NEGR1: variants seen among roughly 807,000 people sequenced by gnomAD.
NEGR1 encodes the protein neuronal growth regulator 1, also known as IgLON family member 4.
Under a neutral mutation model 40.9 loss-of-function variants are expected in NEGR1, and 10 were observed. The ratio of observed to expected loss-of-function variants is 0.24; its 90% CI spans 0.15 to 0.42. NEGR1 has a LOEUF of 0.42. Among genes scored for constraint, NEGR1 ranks in the 10% least tolerant of loss-of-function variants. The pLI, the probability that NEGR1 is intolerant of heterozygous loss-of-function variation, is 1.00. For synonymous variants in NEGR1, 185 were observed against 166.8 expected (o/e 1.11, Z -0.84); for missense variants, 352 against 438.9 (o/e 0.80, Z 1.77).
intron 3 of NEGR1, among the ~76,000 whole-genome samples, chr1:71,775,457 T>C (rs1656471347): frequency 6.6e-6 from 1 of 151,672 alleles, no homozygotes; most frequent in Non-Finnish European, 1.5e-5. Context: ...ATGATTCTCC[T>C]GCCTCAGCCT....
intron 1 of NEGR1, among the ~76,000 whole-genome samples, chr1:72,129,513 G>A (rs1346949321): frequency 6.6e-6 from 1 of 152,052 alleles, no homozygotes; most frequent in Non-Finnish European, 1.5e-5. Flanking sequence ...GTGGAGAGTA[G>A]AACAAAATAT....
At chr1:71,909,218 T>C (rs1371926182) in intron 2 of NEGR1, among the ~76,000 whole-genome samples, 2 of 152,206 alleles carry the variant, frequency 1.3e-5, no homozygotes, top group Non-Finnish European at 2.9e-5. Context: ...AGGCATTGCT[T>C]CCTGCTGCCA....
intron 3 of NEGR1, 131 bp from the exon 4 acceptor site, chr1:71,698,270 C>T (rs1056748280): frequency 2.5e-6 from 2 of 789,022 alleles, no homozygotes; most frequent in Admixed American, 5.8e-5. Context: ...AATTATTAAA[C>T]CTTTTGTTCT....
chr1:72,167,828 A>T (rs1651819794), intron 1 of NEGR1, among the ~76,000 whole-genome samples: 1 of 151,940 alleles, frequency 6.6e-6, no homozygotes. Context: ...TGAGTTTTGG[A>T]TCAATCGCTT....
At chr1:71,474,737 AAC>A (rs57073361) in intron 6 of NEGR1, among the ~76,000 whole-genome samples, 2,997 of 133,852 alleles carry the variant, frequency 0.022, 33 homozygotes, top group African/African-American at 0.029. Context: ...AAAAAAAAAA[AAC>A]AAAAAAACAA....
intron 6 of NEGR1, among the ~76,000 whole-genome samples, chr1:71,459,700 T>C (rs915551034): frequency 1.3e-5 from 2 of 152,262 alleles, no homozygotes; most frequent in African/African-American, 4.8e-5. Flanking sequence ...AACTGTGTCC[T>C]GTCAGAACAC....
intron 1 of NEGR1, among the ~76,000 whole-genome samples, chr1:71,981,337 C>T (rs1490372090): frequency 2.0e-5 from 3 of 152,002 alleles, no homozygotes; most frequent in Admixed American, 1.3e-4. Flanking sequence ...AGTAGGAGGA[C>T]GCTAGAAGGT....
intron 1 of NEGR1, among the ~76,000 whole-genome samples, chr1:72,235,711 AT>A (rs1654523049): frequency 6.6e-6 from 1 of 152,058 alleles, no homozygotes; most frequent in Non-Finnish European, 1.5e-5. Context: ...TCCACTACTA[AT>A]TTTATTGTTA....
At chr1:71,746,351 T>C (rs1405824606) in intron 3 of NEGR1, among the ~76,000 whole-genome samples, 1 of 152,204 alleles carries the variant, frequency 6.6e-6, no homozygotes, top group Non-Finnish European at 1.5e-5. Flanking sequence ...CAAGATTACC[T>C]AGAGGAAATT....
chr1:72,181,744 G>A (rs918908750), intron 1 of NEGR1, among the ~76,000 whole-genome samples: 21 of 152,110 alleles, frequency 1.4e-4, no homozygotes, highest in Non-Finnish European at 2.2e-4. Flanking sequence ...TCACAAGATG[G>A]ATGAACCCAG....
At chr1:71,564,283 A>G (rs1648550377) in intron 6 of NEGR1, among the ~76,000 whole-genome samples, 1 of 152,050 alleles carries the variant, frequency 6.6e-6, no homozygotes, top group South Asian at 2.1e-4. Context: ...TATCATCACC[A>G]CATACACTCA....
chr1:71,488,690 T>G (rs1471894870), intron 6 of NEGR1, among the ~76,000 whole-genome samples: 1 of 151,620 alleles, frequency 6.6e-6, no homozygotes, highest in Non-Finnish European at 1.5e-5. Flanking sequence ...TATCCCTTCT[T>G]CTATTATATT....
intron 1 of NEGR1, among the ~76,000 whole-genome samples, chr1:72,131,464 G>C (rs894355689): frequency 2.0e-5 from 3 of 152,200 alleles, no homozygotes; most frequent in African/African-American, 4.8e-5. Flanking sequence ...TAAACAAAGA[G>C]AAACAAGGGC....
At position 71,401,377 on chromosome 1, in the gene NEGR1, T is replaced by C. The variant is rs1646245681; in HGVS notation, c.*6069A>G. ...ATTATCCTTTTATCTGGTTGTAATG[T>C]CTTATCAGGTCCTTCATTAATGAAT... On this transcript the variant is annotated 3_prime_UTR_variant, in exon 7 of 7. Coordinates refer to ENST00000357731, the MANE Select transcript of NEGR1 (RefSeq NM_173808.3). The C allele has an allele frequency of 6.6e-6, 1 of 152,204 alleles. No homozygotes were observed. The highest frequency in any genetic ancestry group is 2.1e-4 in the South Asian group (1 of 4,830). 9.4% of individuals were successfully genotyped at this position (152,204 alleles called of 1,614,324 possible).
chr1:72,010,435 T>A (rs935327473), intron 1 of NEGR1, among the ~76,000 whole-genome samples: 3 of 152,154 alleles, frequency 2.0e-5, no homozygotes, highest in Non-Finnish European at 4.4e-5. Flanking sequence ...TTTTTCTAAT[T>A]AGTACAAAGT....
chr1:71,898,193 G>A (rs185589904), intron 2 of NEGR1, among the ~76,000 whole-genome samples: 51 of 152,212 alleles, frequency 3.4e-4, no homozygotes, highest in South Asian at 3.3e-3. Flanking sequence ...TAAAATTTCC[G>A]TCATTGAGGA....
intron 4 of NEGR1, among the ~76,000 whole-genome samples, chr1:71,636,071 A>G (rs1024884465): frequency 1.3e-5 from 2 of 152,134 alleles, no homozygotes; most frequent in African/African-American, 2.4e-5. Flanking sequence ...ATAGCAATAG[A>G]TAAATGTTTC....
chr1:71,872,395 C>T (rs577123704), intron 2 of NEGR1, among the ~76,000 whole-genome samples: 2 of 152,184 alleles, frequency 1.3e-5, no homozygotes, highest in South Asian at 4.1e-4. Flanking sequence ...CTCTGTTCAC[C>T]GCGTATTTCT....
intron 3 of NEGR1, among the ~76,000 whole-genome samples, chr1:71,752,054 A>G (rs1362926540): frequency 1.3e-5 from 2 of 152,234 alleles, no homozygotes; most frequent in African/African-American, 4.8e-5. Flanking sequence ...ACATTTCTCT[A>G]TAGGAATTAT....
Sources: allele counts gnomAD v4.1 joint callset (sites outside exome capture counted in the v4.1 genomes callset), GRCh38; gene constraint gnomAD v4.1.1; transcripts MANE v1.5; gene names NCBI Gene and HGNC (gene_info 2026-07-23, HGNC 2026-07-21).